The following PDE8B variants were observed in gnomAD, a reference collection of about 807,000 sequenced individuals.
PDE8B encodes the protein high affinity cAMP-specific and IBMX-insensitive 3',5'-cyclic phosphodiesterase 8B.
Under a neutral mutation model 101.3 loss-of-function variants are expected in PDE8B, and 26 were observed. That is an observed-to-expected ratio of 0.26 (90% confidence interval 0.19 to 0.36). The LOEUF is 0.36. PDE8B is among the 10% of genes least tolerant of loss of function. The pLI is 1.00. For missense variants in PDE8B, 810 were observed against 1,163.1 expected (o/e 0.70, Z 4.42); for synonymous variants, 424 against 429.3 (o/e 0.99, Z 0.15).
rs776158164 is a variant in PDE8B at position 77,425,889 on chromosome 5, T to C, written c.2541T>C (p.Ala847=). Residue 847 remains alanine (A), a synonymous_variant, in exon 21 of 22, where the codon GCT becomes GCC. Transcript: ENST00000264917. ...ACTTCATAACAGACATGTTTGATGC[T>C]TGGGATGGTAAGACAGTTACTGTTT... ...IDYFITDMFD[A]WDAFAHLPAL... is the part of the protein sequence containing the mutation. The C allele has an allele frequency of 3.0e-5, 48 of 1,613,614 alleles. No homozygotes were observed. Among genetic ancestry groups the C allele is most frequent in the Admixed American group, 8.3e-5 (5 of 60,000 alleles).
the PDE8B span, among the ~76,000 whole-genome samples, chr5:77,126,113 C>T: frequency 2.0e-5 from 3 of 151,942 alleles, no homozygotes; most frequent in East Asian, 1.9e-4. Context: ...GGTGAAACCC[C>T]GTCTCTACTA....
chr5:77,099,746 A>G, the PDE8B span, among the ~76,000 whole-genome samples: 6 of 151,806 alleles, frequency 4.0e-5, no homozygotes, highest in Non-Finnish European at 8.8e-5. Context: ...AGTAGCTGGG[A>G]CTATAGGTGC....
intron 10 of PDE8B, among the ~76,000 whole-genome samples, chr5:77,386,666 G>A (rs969304023): frequency 6.6e-6 from 1 of 151,912 alleles, no homozygotes; most frequent in Non-Finnish European, 1.5e-5. Flanking sequence ...GAGCCTATGT[G>A]TGTCTTTGCA....
chr5:77,274,128 A>G (rs1580727440), intron 1 of PDE8B, among the ~76,000 whole-genome samples: 4 of 152,128 alleles, frequency 2.6e-5, no homozygotes, highest in Admixed American at 2.6e-4. Context: ...AGCTAGTTCT[A>G]TCTTTAGACT....
intron 18 of PDE8B, among the ~76,000 whole-genome samples, chr5:77,419,104 G>T (rs982332316): frequency 6.6e-6 from 1 of 152,216 alleles, no homozygotes; most frequent in Non-Finnish European, 1.5e-5. Flanking sequence ...ATGGAGATGA[G>T]TTATTCCAGC....
intron 1 of PDE8B, among the ~76,000 whole-genome samples, chr5:77,230,822 T>C (rs984007633): frequency 6.6e-6 from 1 of 152,130 alleles, no homozygotes; most frequent in Non-Finnish European, 1.5e-5. Flanking sequence ...CTGACTCCAG[T>C]CTGGGAGAAG....
chr5:77,397,026 A>ATTTTTTTTTTT lies in PDE8B; in HGVS notation c.1168-3208_1168-3198dup, dbSNP rs71606290. ...TTGGTTTCTATATTTCCGATAAGAA[A>ATTTTTTTTTTT]TTTTTTTTTTTTTTTTTTTTTTTTG... On this transcript the variant is annotated intron_variant, in intron 10 of 21. Coordinates refer to ENST00000264917, the MANE Select transcript of PDE8B (RefSeq NM_003719.5). Among the ~76,000 whole-genome samples the ATTTTTTTTTTT allele has an allele frequency of 9.7e-4, 82 of 84,400 alleles. 6 individuals carry two copies. Among genetic ancestry groups the ATTTTTTTTTTT allele is most frequent in the East Asian group, 2.5e-3 (6 of 2,390 alleles). 55.4% of individuals were successfully genotyped at this position (84,400 alleles called of 152,430 possible).
At chr5:77,407,094 A>G (rs566371196) in intron 12 of PDE8B, among the ~76,000 whole-genome samples, 1 of 152,290 alleles carries the variant, frequency 6.6e-6, no homozygotes, top group African/African-American at 2.4e-5. Context: ...AGCTGTTGGA[A>G]TGAGGCCTTT....
chr5:77,211,316 G>A lies in PDE8B; in HGVS notation c.339+52G>A. On this transcript the variant is annotated intron_variant, in intron 1 of 21. Coordinates refer to ENST00000264917, the MANE Select transcript of PDE8B (RefSeq NM_003719.5). This position sits in a 1 kb window ranked among gnomAD's most constrained non-coding sequence, Gnocchi z 4.1. The stretch of plus-strand genomic sequence containing the variant: ...GTGGGGGCCGTCCGCCCCGTCGGCG[G>A]GGCTCGCACGGGTAGGGGGCTCCGG... The A allele has an allele frequency of 2.7e-6, 4 of 1,496,202 alleles. No individual in the cohort carries two copies. The highest frequency in any genetic ancestry group is 3.6e-6 in the Non-Finnish European group (4 of 1,123,110). The allele number at this position is 1,496,202 out of a possible 1,614,324, so 92.7% of individuals were successfully genotyped here. A position where few individuals can be genotyped will look rare whatever the true frequency, so the allele number is the denominator to read the frequency against.
Position 77,267,615 on chromosome 5 carries a change from C to T in PDE8B, c.340-44379C>T, listed in dbSNP as rs997907221. 3.3e-5 allele frequency among the ~76,000 whole-genome samples: 5 copies of T among 152,144 alleles called. No individual in the cohort carries two copies. In the East Asian group the frequency reaches 5.8e-4, roughly 18 times the overall value. On this transcript the variant is annotated intron_variant, in intron 1 of 21. Coordinates refer to ENST00000264917, the MANE Select transcript of PDE8B (RefSeq NM_003719.5). ...TTCTCTTCCAGAGCTGAAGCTCCAG[C>T]GTGCTGCCTGGCTTGAAGCTGCTGC...
rs116973710 is a variant in PDE8B at position 77,421,343 on chromosome 5, A to G, written c.2251-478A>G. Among the ~76,000 whole-genome samples, 38 of 152,328 alleles carry G rather than the reference A, an allele frequency of 2.5e-4. No homozygotes were observed. In the East Asian group the frequency reaches 7.0e-3, roughly 28 times the overall value. Reference sequence around the variant, plus strand: ...CATAGGAGGGAGGGAGATGGTAGGCATAAGTAGTAGAAATCAAGAAATAAT... The same window carrying G: ...CATAGGAGGGAGGGAGATGGTAGGCGTAAGTAGTAGAAATCAAGAAATAAT... On this transcript the variant is annotated intron_variant, in intron 19 of 21. Transcript: ENST00000264917.
intron 5 of PDE8B, among the ~76,000 whole-genome samples, chr5:77,331,994 T>A (rs1487365051): frequency 6.6e-6 from 1 of 152,120 alleles, no homozygotes; most frequent in Non-Finnish European, 1.5e-5. Context: ...CACTTGAAGA[T>A]TAAGAATTAC....
intron 10 of PDE8B, among the ~76,000 whole-genome samples, chr5:77,386,970 G>A (rs71632919): frequency 0.09 from 11,675 of 130,088 alleles, 517 homozygotes; most frequent in Middle Eastern, 0.15. Context: ...TGCAAGCTCC[G>A]CTTCCCGGGT....
chr5:77,399,407 G>A lies in PDE8B; in HGVS notation c.1168-841G>A, dbSNP rs1425075986. 3.3e-5 allele frequency among the ~76,000 whole-genome samples: 5 copies of A among 152,226 alleles called. No homozygotes were observed. In the South Asian group the frequency reaches 6.2e-4, roughly 19 times the overall value. The stretch of plus-strand genomic sequence containing the variant: ...GCCATATTAATCTGCCTCTGCAGAT[G>A]TCCTACACACTCATCTGTCTTATTT... On this transcript the variant is annotated intron_variant, in intron 10 of 21. Coordinates refer to ENST00000264917, the MANE Select transcript of PDE8B (RefSeq NM_003719.5).
rs1778368156 is a variant in PDE8B at position 77,337,259 on chromosome 5, C to T, written c.741C>T (p.Cys247=). The T allele has an allele frequency of 6.3e-7, 1 of 1,598,142 alleles. No homozygotes were observed. ...RFMENSSIIA[C]YNELIQIEHG... ...TGGAGAATAGCAGCATAATTGCTTGCTATAATGAACTGATTCAAATAGAAC... is the reference window on the plus strand; with the variant it reads ...TGGAGAATAGCAGCATAATTGCTTGTTATAATGAACTGATTCAAATAGAAC... The change falls in exon 6 of 22, where the codon TGC becomes TGT. Residue 247 remains cysteine, a synonymous_variant. Coordinates refer to ENST00000264917, the MANE Select transcript of PDE8B (RefSeq NM_003719.5).
chr5:77,388,030 T>C (rs1561632557), intron 10 of PDE8B, among the ~76,000 whole-genome samples: 1 of 152,184 alleles, frequency 6.6e-6, no homozygotes, highest in African/African-American at 2.4e-5. Context: ...CATGCTCCTT[T>C]AGCTCGGAGG....
At chr5:77,367,528 C>A (rs1369433984) in intron 10 of PDE8B, among the ~76,000 whole-genome samples, 1 of 109,994 alleles carries the variant, frequency 9.1e-6, no homozygotes, top group East Asian at 2.6e-4. Context: ...CTCTTTTTCT[C>A]TCTTTTTTTT....
Position 77,314,224 on chromosome 5 carries a change from A to T in PDE8B, c.399+2171A>T, listed in dbSNP as rs73136826. 5.4e-3 allele frequency among the ~76,000 whole-genome samples: 822 copies of T among 152,176 alleles called. 7 individuals carry two copies. Among genetic ancestry groups the T allele is most frequent in the African/African-American group, 0.019 (769 of 41,538 alleles). ...TGTGAGGATTTACTTTTGGACTCTCAGTTCTATTCCATTGATTTATATGTC... is the reference window on the plus strand; with the variant it reads ...TGTGAGGATTTACTTTTGGACTCTCTGTTCTATTCCATTGATTTATATGTC... On this transcript the variant is annotated intron_variant, in intron 2 of 21. Coordinates refer to ENST00000264917, the MANE Select transcript of PDE8B (RefSeq NM_003719.5).
At chr5:77,284,389 T>C (rs1017636051) in intron 1 of PDE8B, among the ~76,000 whole-genome samples, 1 of 152,218 alleles carries the variant, frequency 6.6e-6, no homozygotes, top group Non-Finnish European at 1.5e-5. Flanking sequence ...ACCTAAAAAG[T>C]CATTGCCAAA....
Sources: gnomAD v4.1 joint callset for allele counts (sites outside exome capture counted in the v4.1 genomes callset) on GRCh38, gnomAD v4.1.1 for gene constraint, Gnocchi (gnomAD v3.1) non-coding constraint, MANE v1.5 for transcripts, NCBI Gene and HGNC (gene_info 2026-07-23, HGNC 2026-07-21) for gene names.